Variants in AGBL4 observed in about 807,000 individuals in gnomAD.
AGBL4 encodes the protein cytosolic carboxypeptidase 6.
In AGBL4, 58 loss-of-function variants were observed where a neutral mutation model predicts 66.4. The observed-to-expected ratio is 0.87, with a 90% CI of 0.71 to 1.09. AGBL4 has a LOEUF of 1.09. AGBL4 is among the 50% of genes least tolerant of loss of function. The pLI is 0.00. For synonymous variants in AGBL4, 234 were observed against 222.9 expected (o/e 1.05, Z -0.44); for missense variants, 579 against 631.0 (o/e 0.92, Z 0.88).
At chr1:48,878,731 T>C (rs559039286) in intron 5 of AGBL4, among the ~76,000 whole-genome samples, 1 of 152,176 alleles carries the variant, frequency 6.6e-6, no homozygotes, top group Non-Finnish European at 1.5e-5. Flanking sequence ...CTCTCAGTCA[T>C]GTTTGCTGAA....
intron 6 of AGBL4, among the ~76,000 whole-genome samples, chr1:48,855,706 A>G (rs1398187968): frequency 6.6e-6 from 1 of 152,218 alleles, no homozygotes; most frequent in East Asian, 1.9e-4. Flanking sequence ...AGAGTTATTT[A>G]TAAGGGCAAA....
intron 1 of AGBL4, among the ~76,000 whole-genome samples, chr1:49,881,404 T>C (rs1165328129): frequency 6.6e-6 from 1 of 152,100 alleles, no homozygotes; most frequent in Non-Finnish European, 1.5e-5. Context: ...ATATACCCAG[T>C]AATGGGATGG....
rs558046047 is a variant in AGBL4 at position 48,900,608 on chromosome 1, G to A, written c.595-33378C>T. Among the ~76,000 whole-genome samples the A allele has an allele frequency of 4.9e-4, 74 of 152,214 alleles. 1 individual carries two copies. Among genetic ancestry groups the A allele is most frequent in the Admixed American group, 2.0e-3 (31 of 15,298 alleles). On this transcript the variant is annotated intron_variant, in intron 5 of 13. Coordinates refer to ENST00000371839, the MANE Select transcript of AGBL4 (RefSeq NM_032785.4). ...ATATAGACAACCAGTTTTCAACAAAGATTTGAAAGCAATTCAGTGGAGAAA... is the reference window on the plus strand; with the variant it reads ...ATATAGACAACCAGTTTTCAACAAAAATTTGAAAGCAATTCAGTGGAGAAA...
chr1:49,191,089 A>G (rs961296605), intron 4 of AGBL4, among the ~76,000 whole-genome samples: 1 of 152,254 alleles, frequency 6.6e-6, no homozygotes, highest in Non-Finnish European at 1.5e-5. Context: ...GAGATGAATC[A>G]GAAACAGCCT....
chr1:49,515,545 C>T (rs1649716925), intron 3 of AGBL4, among the ~76,000 whole-genome samples: 1 of 151,738 alleles, frequency 6.6e-6, no homozygotes, highest in Non-Finnish European at 1.5e-5. Context: ...TGGGTATATA[C>T]CCAAAGGATT....
chr1:48,880,483 G>C (rs973434187), intron 5 of AGBL4, among the ~76,000 whole-genome samples: 1 of 152,172 alleles, frequency 6.6e-6, no homozygotes, highest in Non-Finnish European at 1.5e-5. Flanking sequence ...TAGATACCCA[G>C]TAGTGGGATT....
At chr1:48,717,082 T>C (rs1033191194) in intron 6 of AGBL4, among the ~76,000 whole-genome samples, 3 of 152,234 alleles carry the variant, frequency 2.0e-5, no homozygotes, top group South Asian at 2.1e-4. Context: ...CAGGCGCGGA[T>C]AGTGCAGTGC....
At chr1:49,509,039 A>G (rs1484031957) in intron 3 of AGBL4, among the ~76,000 whole-genome samples, 3 of 151,898 alleles carry the variant, frequency 2.0e-5, no homozygotes, top group African/African-American at 4.8e-5. Flanking sequence ...GCCAACTATG[A>G]TATTATAATA....
intron 3 of AGBL4, among the ~76,000 whole-genome samples, chr1:49,293,548 C>A (rs1364410864): frequency 6.6e-6 from 1 of 152,136 alleles, no homozygotes; most frequent in Non-Finnish European, 1.5e-5. Flanking sequence ...AAAAAAGTTT[C>A]CAAAAAATTT....
chr1:49,757,855 G>A (rs1452682725), intron 2 of AGBL4, among the ~76,000 whole-genome samples: 1 of 152,184 alleles, frequency 6.6e-6, no homozygotes, highest in Non-Finnish European at 1.5e-5. Flanking sequence ...ATTTTCTGGG[G>A]AAAAATTCAA....
chr1:49,560,575 T>G (rs1644014881), intron 3 of AGBL4, among the ~76,000 whole-genome samples: 1 of 151,930 alleles, frequency 6.6e-6, no homozygotes, highest in African/African-American at 2.4e-5. Context: ...AATAAGAACT[T>G]CCCAAACGCA....
At chr1:48,688,023 T>C (rs1646562912) in intron 6 of AGBL4, among the ~76,000 whole-genome samples, 1 of 152,230 alleles carries the variant, frequency 6.6e-6, no homozygotes, top group Non-Finnish European at 1.5e-5. Flanking sequence ...ATATAGGCTT[T>C]AGAAAGATGT....
chr1:49,300,530 G>A (rs1309540514), intron 3 of AGBL4, among the ~76,000 whole-genome samples: 1 of 152,138 alleles, frequency 6.6e-6, no homozygotes, highest in African/African-American at 2.4e-5. Flanking sequence ...GCGGTTCCCT[G>A]AACAGGAGAC....
chr1:49,755,448 G>A (rs1315293761), intron 2 of AGBL4, among the ~76,000 whole-genome samples: 1 of 152,100 alleles, frequency 6.6e-6, no homozygotes, highest in Admixed American at 6.6e-5. Flanking sequence ...ACACAAACAT[G>A]AGCCTCTGTT....
intron 6 of AGBL4, among the ~76,000 whole-genome samples, chr1:48,712,303 A>G (rs1646980211): frequency 6.6e-6 from 1 of 151,928 alleles, no homozygotes; most frequent in Non-Finnish European, 1.5e-5. Context: ...AATCCTCAAC[A>G]CCACGCTGGG....
chr1:49,383,163 T>C (rs892859402), intron 3 of AGBL4, among the ~76,000 whole-genome samples: 1 of 152,204 alleles, frequency 6.6e-6, no homozygotes, highest in Non-Finnish European at 1.5e-5. Flanking sequence ...AAATGTCCCA[T>C]GTTCATGGAT....
At chr1:49,990,255 C>G (rs538506379) in intron 1 of AGBL4, among the ~76,000 whole-genome samples, 2 of 152,264 alleles carry the variant, frequency 1.3e-5, no homozygotes, top group South Asian at 2.1e-4. Context: ...TGTCCCCACC[C>G]AAATCTCATC....
At chr1:49,009,652 C>T (rs1282056605) in intron 5 of AGBL4, among the ~76,000 whole-genome samples, 40 of 150,856 alleles carry the variant, frequency 2.7e-4, no homozygotes, top group Non-Finnish European at 4.9e-4. Flanking sequence ...AAAACGAATC[C>T]AGCAGCACAT....
chr1:49,744,554 C>T (rs1171239349), intron 2 of AGBL4, among the ~76,000 whole-genome samples: 2 of 152,078 alleles, frequency 1.3e-5, no homozygotes, highest in Non-Finnish European at 2.9e-5. Flanking sequence ...GGGATTCCTT[C>T]CTTCACAGTG....
Sources: gnomAD v4.1 joint callset for allele counts (sites outside exome capture counted in the v4.1 genomes callset) on GRCh38, gnomAD v4.1.1 for gene constraint, MANE v1.5 for transcripts, NCBI Gene and HGNC (gene_info 2026-07-23, HGNC 2026-07-21) for gene names.